HERC2: variants seen among roughly 807,000 people sequenced by gnomAD.
The protein encoded by HERC2 is E3 ubiquitin-protein ligase HERC2.
Under a neutral mutation model 537.7 loss-of-function variants are expected in HERC2, and 102 were observed. The ratio of observed to expected loss-of-function variants is 0.19; its 90% CI spans 0.16 to 0.22. HERC2 has a LOEUF of 0.22. Ranked by LOEUF, HERC2 falls within the 10% of genes least tolerant of loss-of-function variation. HERC2 has a pLI of 1.00. For synonymous variants in HERC2, 2,224 were observed against 2,466.2 expected (o/e 0.90, Z 2.91); for missense variants, 4,236 against 6,198.2 (o/e 0.68, Z 10.63).
At chr15:28,303,158 C>T (rs1223096975) in intron 2 of HERC2, among the ~76,000 whole-genome samples, 128 of 152,178 alleles carry the variant, frequency 8.4e-4, no homozygotes, top group African/African-American at 3.0e-3. Context: ...TAAGTCTTTA[C>T]TCCATTTTGA....
At chr15:28,151,323 G>A (rs191316917) in intron 70 of HERC2, among the ~76,000 whole-genome samples, 3 of 152,218 alleles carry the variant, frequency 2.0e-5, no homozygotes, top group Admixed American at 2.0e-4. Context: ...CAGCATATTA[G>A]CCAGGCAAGG....
intron 69 of HERC2, among the ~76,000 whole-genome samples, chr15:28,161,662 A>G (rs1342324059): frequency 6.6e-6 from 1 of 152,232 alleles, no homozygotes; most frequent in East Asian, 1.9e-4. Flanking sequence ...GCCATATTTC[A>G]GTGTGCAGTG....
intron 52 of HERC2, among the ~76,000 whole-genome samples, chr15:28,194,118 T>C (rs1045415977): frequency 2.0e-4 from 30 of 149,736 alleles, no homozygotes; most frequent in African/African-American, 6.4e-4. Flanking sequence ...CAGGCTGGAG[T>C]GCAGTGGCAC....
In HERC2 at chr15:28,188,543, TA is replaced by T. The variant is rs34333172; in HGVS notation, c.8650-1792del. ...TGGGTGACAGAGTGAGACTCCGTCT[TA>T]AAAAAAAAAAAAAAGAGTACTTGTT... On this transcript the variant is annotated intron_variant, in intron 55 of 92. Coordinates refer to ENST00000261609, the MANE Select transcript of HERC2 (RefSeq NM_004667.6). Among the ~76,000 whole-genome samples, 718 of 134,942 alleles carry T rather than the reference TA, an allele frequency of 5.3e-3. 3 individuals carry two copies. Among genetic ancestry groups the T allele is most frequent in the East Asian group, 0.011 (49 of 4,546 alleles). 88.5% of individuals were successfully genotyped at this position (134,942 alleles called of 152,430 possible). A position where few individuals can be genotyped will look rare whatever the true frequency, so the allele number is the denominator to read the frequency against.
chr15:28,144,692 A>G lies in HERC2; in HGVS notation c.11121T>C (p.Tyr3707=), dbSNP rs1891562534. 6.2e-7 allele frequency: 1 copy of G among 1,614,064 alleles called. No individual in the cohort carries two copies. Among genetic ancestry groups the G allele is most frequent in the South Asian group, 1.1e-5 (1 of 91,090 alleles). The change falls in exon 72 of 93, where the codon TAT becomes TAC. Residue 3707 remains tyrosine (Y), a synonymous_variant. Coordinates refer to ENST00000261609, the MANE Select transcript of HERC2 (RefSeq NM_004667.6). ...CCTTACCAGCAGCTGGCATGATGGG[A>G]TAGACGGTGAAGCGCCAGCCCCAGC... The part of the protein sequence containing the change: ...VNGWGWRFTV[Y]PIMPAAGPKE...
intron 69 of HERC2, among the ~76,000 whole-genome samples, chr15:28,159,617 C>T (rs1170818207): frequency 1.3e-5 from 2 of 152,152 alleles, no homozygotes; most frequent in Admixed American, 1.3e-4. Context: ...ATTGGTTATT[C>T]TAGTTAGCCA....
chr15:28,114,624 G>A lies in HERC2; in HGVS notation c.13901C>T (p.Ala4634Val). Residue 4634 changes from alanine (A) to valine (V), a missense_variant, in exon 90 of 93, where the codon GCG (alanine) becomes GTG (valine). This residue lies in a region of HERC2 where 313 missense variants were observed against 462.6 expected (regional missense o/e 0.68). Transcript: ENST00000261609. ...LDNRAEYVRL[A>V]INYRLHEFDE... Reference sequence around the variant, plus strand: ...GATGACCACCAACCTATAGTTTATCGCCAGCCGCACGTACTCCGCGCGGTT... The same window carrying A: ...GATGACCACCAACCTATAGTTTATCACCAGCCGCACGTACTCCGCGCGGTT... 1 of 1,613,050 alleles carries A rather than the reference G, an allele frequency of 6.2e-7. No homozygotes were observed. Among genetic ancestry groups the A allele is most frequent in the Non-Finnish European group, 8.5e-7 (1 of 1,179,596 alleles).
At position 28,166,928 on chromosome 15, in the gene HERC2, A is replaced by AAAAG. The variant is rs1894199680; in HGVS notation, c.10554+755_10554+758dup. Reference sequence around the variant, plus strand: ...GGAACTCCTGATTCTATACAATATAAAAAGACAGGTAGGTAGGTAGGTAGA... The same window carrying AAAAG: ...GGAACTCCTGATTCTATACAATATAAAAAGAAAGACAGGTAGGTAGGTAGGTAGA... On this transcript the variant is annotated intron_variant, in intron 68 of 92. Transcript: ENST00000261609. Among the ~76,000 whole-genome samples the AAAAG allele has an allele frequency of 2.0e-5, 3 of 152,374 alleles. No individual in the cohort carries two copies. In the South Asian group the frequency reaches 6.2e-4, roughly 32 times the overall value.
chr15:28,181,754 AC>A (rs1895838987), intron 57 of HERC2, among the ~76,000 whole-genome samples: 1 of 152,212 alleles, frequency 6.6e-6, no homozygotes, highest in Admixed American at 6.5e-5. Flanking sequence ...CTCCTAAGCA[AC>A]TCAAAATACA....
Position 28,260,639 on chromosome 15 carries a change from C to G in HERC2, c.2316+138G>C, listed in dbSNP as rs1281620559. On this transcript the variant is annotated intron_variant, in intron 16 of 92. Transcript: ENST00000261609. ...AAAACCCAAGGAAACTACAGTGAAG[C>G]TCATAATAAATGAGTTTAGCACAAC... 3.7e-5 allele frequency: 25 copies of G among 670,368 alleles called. No individual in the cohort carries two copies. In the Middle Eastern group the frequency reaches 8.5e-4, roughly 23 times the overall value. 41.5% of individuals were successfully genotyped at this position (670,368 alleles called of 1,614,324 possible). A position where few individuals can be genotyped will look rare whatever the true frequency, so the allele number is the denominator to read the frequency against.
At chr15:28,216,038 A>G (rs1278165963) in intron 38 of HERC2, among the ~76,000 whole-genome samples, 1 of 151,924 alleles carries the variant, frequency 6.6e-6, no homozygotes, top group Non-Finnish European at 1.5e-5. Flanking sequence ...AAGGGCTCTC[A>G]CTGTGTTTCC....
chr15:28,169,752 C>T, intron 65 of HERC2, 97 bp from the exon 66 acceptor site: 1 of 1,132,446 alleles, frequency 8.8e-7, no homozygotes. Flanking sequence ...AAACACACTG[C>T]AATCTGCATT....
At chr15:28,142,188 T>G (rs1891294257) in intron 76 of HERC2, 50 bp downstream of exon 76, 1 of 1,581,628 alleles carries the variant, frequency 6.3e-7, no homozygotes, top group African/African-American at 1.4e-5. Flanking sequence ...ACACTATAGC[T>G]AAATAATGTT....
At chr15:28,137,111 T>C (rs886888451) in intron 78 of HERC2, among the ~76,000 whole-genome samples, 1 of 152,040 alleles carries the variant, frequency 6.6e-6, no homozygotes, top group South Asian at 2.1e-4. Context: ...GGGTCACTGA[T>C]TGGGAGGAGG....
In HERC2 at chr15:28,268,662, A is replaced by G. The variant is rs756331410; in HGVS notation, c.1447-46T>C. 6 of 1,527,864 alleles carry G rather than the reference A, an allele frequency of 3.9e-6. No individual in the cohort carries two copies. In the African/African-American group the frequency reaches 8.2e-5, roughly 21 times the overall value. The allele number at this position is 1,527,864 out of a possible 1,614,324, so 94.6% of individuals were successfully genotyped here. On this transcript the variant is annotated intron_variant, in intron 11 of 92. Transcript: ENST00000261609. This position sits in a 1 kb window ranked among gnomAD's most constrained non-coding sequence, Gnocchi z 4.7. ...AGAAAAGTAGTCATCAGTCCAAGGA[A>G]AATGAAACCAGCTCAGCTCTCCGTT...
intron 15 of HERC2, among the ~76,000 whole-genome samples, chr15:28,262,210 C>G (rs541056168): frequency 6.6e-6 from 1 of 152,104 alleles, no homozygotes; most frequent in Non-Finnish European, 1.5e-5. Flanking sequence ...CCAGGTGGTA[C>G]GGAAAAGTCC....
intron 21 of HERC2, among the ~76,000 whole-genome samples, chr15:28,248,326 T>A (rs16950930): frequency 6.6e-6 from 1 of 152,110 alleles, no homozygotes; most frequent in African/African-American, 2.4e-5. Flanking sequence ...ATGCTATTAC[T>A]GATGTCTAAA....
chr15:28,130,413 G>A (rs775202963), intron 82 of HERC2, 90 bp downstream of exon 82: 52 of 1,586,376 alleles, frequency 3.3e-5, no homozygotes, highest in Non-Finnish European at 4.3e-5. Context: ...GCCTGCTGCA[G>A]AAGCTACATT....
In HERC2 at chr15:28,229,518, C is replaced by A. The variant is rs1901606531; in HGVS notation, c.5062G>T (p.Val1688Leu). The change falls in exon 33 of 93, where the codon GTG becomes TTG. Residue 1688 changes from valine (V) to leucine (L), a missense_variant. Around this residue, in one of 27 missense-constraint regions of HERC2, gnomAD observed 343 missense variants for 417.2 expected, o/e 0.82. Transcript: ENST00000261609. Reference sequence around the variant, plus strand: ...CATCCACAAAACATCGCATACTGCACAGATGGAAGTAAGAAATTCTTGCTC... The same window carrying A: ...CATCCACAAAACATCGCATACTGCAAAGATGGAAGTAAGAAATTCTTGCTC... ...LASKNFLLPSVQYAMFCGWQR... is the reference protein window; with the variant it reads ...LASKNFLLPSLQYAMFCGWQR... 1 of 1,613,764 alleles carries A rather than the reference C, an allele frequency of 6.2e-7. No homozygotes were observed. Among genetic ancestry groups the A allele is most frequent in the Admixed American group, 1.7e-5 (1 of 60,008 alleles).
Sources: allele counts gnomAD v4.1 joint callset (sites outside exome capture counted in the v4.1 genomes callset), GRCh38; gene constraint gnomAD v4.1.1; regional missense constraint gnomAD v4.1.1; non-coding constraint Gnocchi (gnomAD v3.1); transcripts MANE v1.5; gene names NCBI Gene and HGNC (gene_info 2026-07-23, HGNC 2026-07-21).